The following OR1J2 variants were observed in gnomAD, a reference collection of about 807,000 sequenced individuals.
OR1J2 encodes olfactory receptor 1J2.
For synonymous variants in OR1J2, 142 were observed against 99.7 expected, an observed-to-expected ratio of 1.42 and a Z score of -2.52; for missense variants, 304 against 246.1, an observed-to-expected ratio of 1.24 and a Z score of -1.57.
Position 122,511,654 on chromosome 9 carries a change from T to C in OR1J2, c.853T>C (p.Leu285=), listed in dbSNP as rs1828640011. Residue 285 remains leucine (L), a synonymous_variant, in exon 1 of 1, where the codon TTG becomes CTG. Transcript: ENST00000335302. ...ALMYTVVTPM[L]NPFIYSLRNR... ...CATGTACACGGTGGTCACACCCATG[T>C]TGAACCCCTTTATCTACAGCCTTAG... is the stretch of plus-strand genomic sequence containing the variant. 2 of 781,118 alleles carry C rather than the reference T, an allele frequency of 2.6e-6. No homozygotes were observed. Among genetic ancestry groups the C allele is most frequent in the Admixed American group, 1.7e-5 (1 of 59,042 alleles). 48.4% of individuals were successfully genotyped at this position (781,118 alleles called of 1,614,324 possible).
chr9:122,564,611 C>G, the OR1J2 span, among the ~76,000 whole-genome samples: 1 of 152,212 alleles, frequency 6.6e-6, no homozygotes, highest in African/African-American at 2.4e-5. Flanking sequence ...ATAGATGGAT[C>G]CTGGAGAATG....
At chr9:122,477,231 C>G in the OR1J2 span, 16 of 1,613,940 alleles carry the variant, frequency 9.9e-6, no homozygotes, top group East Asian at 3.6e-4. Flanking sequence ...TGCATATGCC[C>G]TTGGTAGAGG....
At chr9:122,463,451 G>A in the OR1J2 span, among the ~76,000 whole-genome samples, 14 of 152,170 alleles carry the variant, frequency 9.2e-5, no homozygotes, top group African/African-American at 3.4e-4. Flanking sequence ...CCTTGGTTTG[G>A]ATCCATTGCT....
chr9:122,498,412 T>C, the OR1J2 span, among the ~76,000 whole-genome samples: 2 of 152,248 alleles, frequency 1.3e-5, no homozygotes, highest in Non-Finnish European at 2.9e-5. Context: ...TTATTCTGCT[T>C]GGTCCAGTCT....
chr9:122,455,714 G>A, the OR1J2 span, among the ~76,000 whole-genome samples: 14 of 152,012 alleles, frequency 9.2e-5, no homozygotes, highest in South Asian at 1.7e-3. Context: ...TTTTGATAAC[G>A]TTCACTTTAT....
chr9:122,499,157 C>T, the OR1J2 span, among the ~76,000 whole-genome samples: 1 of 152,246 alleles, frequency 6.6e-6, no homozygotes, highest in Non-Finnish European at 1.5e-5. Context: ...CTGGACTGGG[C>T]AGGTTTACCT....
chr9:122,548,873 C>G, the OR1J2 span, among the ~76,000 whole-genome samples: 3 of 151,338 alleles, frequency 2.0e-5, no homozygotes, highest in Non-Finnish European at 2.9e-5. Flanking sequence ...CATTAGTCTT[C>G]TGTCAGATGC....
chr9:122,454,532 A>G, the OR1J2 span, among the ~76,000 whole-genome samples: 1 of 151,438 alleles, frequency 6.6e-6, no homozygotes, highest in Non-Finnish European at 1.5e-5. Flanking sequence ...AAAAAAAGTC[A>G]CCTTCCTTTC....
upstream of OR1J2, among the ~76,000 whole-genome samples, chr9:122,509,991 T>C (rs1828601551): frequency 6.6e-6 from 1 of 152,094 alleles, no homozygotes; most frequent in South Asian, 2.1e-4. Flanking sequence ...CACTGGGGCC[T>C]GTCGGGGGGT....
At chr9:122,517,832 G>C in the OR1J2 span, among the ~76,000 whole-genome samples, 1 of 152,130 alleles carries the variant, frequency 6.6e-6, no homozygotes, top group African/African-American at 2.4e-5. Context: ...TAGGTATTAA[G>C]CCTGGCATTC....
chr9:122,473,497 A>G, the OR1J2 span, among the ~76,000 whole-genome samples: 1 of 152,222 alleles, frequency 6.6e-6, no homozygotes, highest in Non-Finnish European at 1.5e-5. Context: ...CCCTGGTTTA[A>G]TCCTGCCAGA....
the OR1J2 span, among the ~76,000 whole-genome samples, chr9:122,539,449 A>C: frequency 2.6e-5 from 4 of 152,092 alleles, no homozygotes; most frequent in Non-Finnish European, 5.9e-5. Flanking sequence ...TGAACTCATC[A>C]TTTTTTATGG....
the OR1J2 span, among the ~76,000 whole-genome samples, chr9:122,484,675 G>A: frequency 5.9e-5 from 9 of 152,058 alleles, no homozygotes; most frequent in Non-Finnish European, 1.3e-4. Flanking sequence ...AATTTCTGCT[G>A]TTCATTCCTA....
the OR1J2 span, chr9:122,553,566 G>A: frequency 6.2e-7 from 1 of 1,614,028 alleles, no homozygotes; most frequent in Non-Finnish European, 8.5e-7. Flanking sequence ...CTGCCTGCTG[G>A]CTGTGATGGC....
chr9:122,529,723 A>G, the OR1J2 span, among the ~76,000 whole-genome samples: 2 of 151,782 alleles, frequency 1.3e-5, no homozygotes, highest in African/African-American at 4.9e-5. Context: ...ACTTGGGGCA[A>G]TCCTTCCCTC....
At chr9:122,549,890 A>G in the OR1J2 span, among the ~76,000 whole-genome samples, 2 of 152,022 alleles carry the variant, frequency 1.3e-5, no homozygotes, top group Non-Finnish European at 2.9e-5. Flanking sequence ...TTCTAATTCT[A>G]TGAAAAATGG....
the OR1J2 span, among the ~76,000 whole-genome samples, chr9:122,465,023 T>C: frequency 7.9e-5 from 12 of 152,294 alleles, no homozygotes; most frequent in South Asian, 1.0e-3. Flanking sequence ...AAACATCTTT[T>C]GAAAGAAAAA....
chr9:122,545,052 CAA>C, the OR1J2 span, among the ~76,000 whole-genome samples: 1 of 152,006 alleles, frequency 6.6e-6, no homozygotes, highest in African/African-American at 2.4e-5. Context: ...TAATTCATCT[CAA>C]AATATTTTCT....
the OR1J2 span, among the ~76,000 whole-genome samples, chr9:122,555,604 A>G: frequency 6.6e-6 from 1 of 152,188 alleles, no homozygotes; most frequent in Non-Finnish European, 1.5e-5. Flanking sequence ...GTCTATTTAT[A>G]TATAAAGATA....
Sources: allele counts gnomAD v4.1 joint callset (sites outside exome capture counted in the v4.1 genomes callset), GRCh38; gene constraint gnomAD v4.1.1; transcripts MANE v1.5; gene names NCBI Gene and HGNC (gene_info 2026-07-23, HGNC 2026-07-21).